The following PCDHGA2 variants were observed in gnomAD, a reference collection of about 807,000 sequenced individuals.
PCDHGA2 encodes protocadherin gamma-A2.
A neutral mutation model predicts 59.2 loss-of-function variants in PCDHGA2; 40 were observed. That is an observed-to-expected ratio of 0.68 (90% CI 0.52 to 0.88). The LOEUF (loss-of-function observed/expected upper bound fraction) is 0.88, where lower values mean the gene tolerates loss of function less well. Among genes scored for constraint, PCDHGA2 ranks in the 40% least tolerant of loss-of-function variants. PCDHGA2 has a pLI of 0.00. For missense variants in PCDHGA2, 1,226 were observed against 1,204.0 expected, an observed-to-expected ratio of 1.02 and a Z score of -0.27; for synonymous variants, 560 against 526.0, an observed-to-expected ratio of 1.06 and a Z score of -0.89.
chr5:141,398,932 C>T (rs554339110), intron 1 of PCDHGA2: 1 of 1,613,900 alleles, frequency 6.2e-7, no homozygotes, highest in Non-Finnish European at 8.5e-7. Context: ...AGCCACTGAC[C>T]AAGACGAGGG....
Position 141,375,419 on chromosome 5 carries a change from A to G in PCDHGA2, c.2424+34024A>G, listed in dbSNP as rs756318329. The G allele has an allele frequency of 1.9e-6, 3 of 1,613,982 alleles. No homozygotes were observed. The South Asian group carries it at 3.3e-5, about 18-fold the overall frequency. The stretch of plus-strand genomic sequence containing the variant: ...CATCTCTCTAAATGTGGCAGACACC[A>G]ACGACAACCCGCCCACCTTCCCCCA... On this transcript the variant is annotated intron_variant, in intron 1 of 3. Coordinates refer to ENST00000394576, the MANE Select transcript of PCDHGA2 (RefSeq NM_018915.4).
intron 1 of PCDHGA2, among the ~76,000 whole-genome samples, chr5:141,358,442 G>A (rs72790009): frequency 0.023 from 3,459 of 152,132 alleles, 53 homozygotes; most frequent in South Asian, 0.038. Flanking sequence ...AACAGGCAAC[G>A]TCAATTTAAG....
rs866752085 is a variant in PCDHGA2, at chr5:141,424,634, A to G, written c.2425-70173A>G. ...AATAGAGTAGTTTGTGAATATATAA[A>G]TAGATTGAAGGTATTTGGACTTTAA... On this transcript the variant is annotated intron_variant, in intron 1 of 3. Coordinates refer to ENST00000394576, the MANE Select transcript of PCDHGA2 (RefSeq NM_018915.4). 6 of 152,338 alleles carry G rather than the reference A, an allele frequency of 3.9e-5. No individual in the cohort carries two copies. The South Asian group carries it at 1.2e-3, about 32-fold the overall frequency. 9.4% of individuals were successfully genotyped at this position (152,338 alleles called of 1,614,324 possible).
At chr5:141,390,390 A>G (rs2092135147) in intron 1 of PCDHGA2, 4 of 1,406,748 alleles carry the variant, frequency 2.8e-6, no homozygotes, top group Middle Eastern at 3.7e-4. Flanking sequence ...GATGTCATGG[A>G]TCATTTTAGG....
intron 1 of PCDHGA2, among the ~76,000 whole-genome samples, chr5:141,460,987 ATATATATATGTG>A (rs2099005819): frequency 1.1e-5 from 1 of 92,944 alleles, no homozygotes; most frequent in Admixed American, 9.9e-5. Flanking sequence ...GTGTGTGTAT[ATATATATATGTG>A]TATATATATA....
chr5:141,373,942 G>A (rs915722802), intron 1 of PCDHGA2: 1 of 734,324 alleles, frequency 1.4e-6, no homozygotes, highest in African/African-American at 1.8e-5. Flanking sequence ...CAGGAAAGCT[G>A]TGCAGAAATT....
intron 1 of PCDHGA2, chr5:141,356,296 A>G: frequency 6.4e-7 from 1 of 1,555,098 alleles, no homozygotes; most frequent in Non-Finnish European, 8.7e-7. Context: ...GGGTACAGTA[A>G]TTGCACTTTT....
Position 141,418,145 on chromosome 5 carries a change from T to C in PCDHGA2, c.2425-76662T>C, listed in dbSNP as rs1329322927. On this transcript the variant is annotated intron_variant, in intron 1 of 3. Coordinates refer to ENST00000394576, the MANE Select transcript of PCDHGA2 (RefSeq NM_018915.4). ...GGACCGAATAGACCGTGAGCAAATATGCAAAGAGAGAAGAAGATGTGAGTT... is the reference window on the plus strand; with the variant it reads ...GGACCGAATAGACCGTGAGCAAATACGCAAAGAGAGAAGAAGATGTGAGTT... The C allele has an allele frequency of 5.6e-6, 9 of 1,613,934 alleles. No homozygotes were observed. In the African/African-American group the frequency reaches 8.0e-5, roughly 14 times the overall value.
At chr5:141,351,299 T>A (rs1158316654) in intron 1 of PCDHGA2, 9 of 1,613,848 alleles carry the variant, frequency 5.6e-6, no homozygotes, top group Non-Finnish European at 2.5e-6. Flanking sequence ...GACATTCATG[T>A]CCTTCTCTAA....
intron 1 of PCDHGA2, among the ~76,000 whole-genome samples, chr5:141,474,726 A>G (rs549082085): frequency 6.6e-6 from 1 of 152,358 alleles, no homozygotes; most frequent in South Asian, 2.1e-4. Flanking sequence ...AAAGGACTCT[A>G]TGCAATCAAA....
At position 141,511,572 on chromosome 5, in the gene PCDHGA2, T is replaced by C. The variant is rs1366960269; in HGVS notation, c.*399T>C. The C allele has an allele frequency of 1.0e-5, 3 of 289,550 alleles. No homozygotes were observed. The East Asian group carries it at 2.4e-4, about 23-fold the overall frequency. 17.9% of individuals were successfully genotyped at this position (289,550 alleles called of 1,614,324 possible). ...AACAGTTCCTCTTTCCCGAGTAAGG[T>C]GGTTGGGGTGTTGAAGTACCAAGTA... On this transcript the variant is annotated 3_prime_UTR_variant, in exon 4 of 4. Coordinates refer to ENST00000394576, the MANE Select transcript of PCDHGA2 (RefSeq NM_018915.4).
intron 1 of PCDHGA2, chr5:141,410,849 CTTTT>C (rs759346998): frequency 4.9e-3 from 673 of 137,520 alleles, no homozygotes; most frequent in South Asian, 8.7e-3. Flanking sequence ...TTGTCTTTGT[CTTTT>C]TTTTTTTTTT....
intron 1 of PCDHGA2, chr5:141,342,200 A>G (rs1757134756): frequency 6.6e-6 from 1 of 152,190 alleles, no homozygotes; most frequent in South Asian, 2.1e-4. Flanking sequence ...GCTTAAAGAA[A>G]AGATACAAAA....
intron 1 of PCDHGA2, chr5:141,422,453 G>GA: frequency 6.2e-7 from 1 of 1,611,704 alleles, no homozygotes. Context: ...ATAACAAGCA[G>GA]AGTGCTGGAC....
chr5:141,508,910 A>T (rs2099872999), intron 3 of PCDHGA2, among the ~76,000 whole-genome samples: 1 of 151,906 alleles, frequency 6.6e-6, no homozygotes, highest in Non-Finnish European at 1.5e-5. Context: ...GCGGTGGCGG[A>T]TCTGGCTTCC....
At position 141,340,649 on chromosome 5, in the gene PCDHGA2, C is replaced by T; in HGVS notation, c.1678C>T (p.Pro560Ser). Residue 560 changes from proline to serine, a missense_variant, in exon 1 of 4, where the codon CCC becomes TCC. Pro to Ser is a moderately conservative substitution (Grantham distance 74). Coordinates refer to ENST00000394576, the MANE Select transcript of PCDHGA2 (RefSeq NM_018915.4). ...LFVLDQNDNA[P>S]EILYPAFPTD... ...CGTGCTGGACCAGAACGACAACGCG[C>T]CCGAGATCCTGTACCCTGCCTTCCC... 6.2e-7 allele frequency: 1 copy of T among 1,614,220 alleles called. No individual in the cohort carries two copies. The highest frequency in any genetic ancestry group is 8.5e-7 in the Non-Finnish European group (1 of 1,180,044).
In PCDHGA2 at chr5:141,511,999, C is replaced by G. The variant is rs1049440139; in HGVS notation, c.*826C>G. ...GTGGATGGTGGGGGCATGGACAAAG[C>G]TTGACACATCAAGTTATCAAGGCCT... is the stretch of plus-strand genomic sequence containing the variant. On this transcript the variant is annotated 3_prime_UTR_variant, in exon 4 of 4. Coordinates refer to ENST00000394576, the MANE Select transcript of PCDHGA2 (RefSeq NM_018915.4). 6.5e-6 allele frequency: 1 copy of G among 153,016 alleles called. No individual in the cohort carries two copies. Among genetic ancestry groups the G allele is most frequent in the Non-Finnish European group, 1.5e-5 (1 of 68,392 alleles). The allele number at this position is 153,016 out of a possible 1,614,324, so 9.5% of individuals were successfully genotyped here. A position where few individuals can be genotyped will look rare whatever the true frequency, so the allele number is the denominator to read the frequency against.
At position 141,491,448 on chromosome 5, in the gene PCDHGA2, A is replaced by G; in HGVS notation, c.2425-3359A>G. ...GGCAGTGCTGCAGGCGCCAGGACTC[A>G]CCCTCCCCGGACTTCTATAAGCAGT... On this transcript the variant is annotated intron_variant, in intron 1 of 3. Coordinates refer to ENST00000394576, the MANE Select transcript of PCDHGA2 (RefSeq NM_018915.4). The surrounding 1 kb of genome is among the most constrained non-coding windows in gnomAD (Gnocchi z 6.9). The G allele has an allele frequency of 6.2e-7, 1 of 1,613,792 alleles. No homozygotes were observed. The highest frequency in any genetic ancestry group is 8.5e-7 in the Non-Finnish European group (1 of 1,179,986).
intron 1 of PCDHGA2, among the ~76,000 whole-genome samples, chr5:141,455,289 A>C (rs1592356100): frequency 6.6e-6 from 1 of 152,074 alleles, no homozygotes; most frequent in South Asian, 2.1e-4. Flanking sequence ...ATCACTTTAC[A>C]TAGTTTCATC....
Sources: allele counts gnomAD v4.1 joint callset (sites outside exome capture counted in the v4.1 genomes callset), GRCh38; gene constraint gnomAD v4.1.1; non-coding constraint Gnocchi (gnomAD v3.1); transcripts MANE v1.5; gene names NCBI Gene and HGNC (gene_info 2026-07-23, HGNC 2026-07-21).